The following GPC6 variants were observed in gnomAD, a reference collection of about 807,000 sequenced individuals.
The protein encoded by GPC6 is glypican-6.
In GPC6, 14 loss-of-function variants were observed where a neutral mutation model predicts 55.2. The ratio of observed to expected loss-of-function variants is 0.25; its 90% confidence interval spans 0.17 to 0.40. The LOEUF (loss-of-function observed/expected upper bound fraction) is 0.40. Among genes scored for constraint, GPC6 ranks in the 10% least tolerant of loss-of-function variants. The pLI is 1.00. For synonymous variants in GPC6, 278 were observed against 259.6 expected (o/e 1.07, Z -0.68); for missense variants, 641 against 708.5 (o/e 0.90, Z 1.08).
intron 3 of GPC6, among the ~76,000 whole-genome samples, chr13:93,884,852 A>T (rs574678409): frequency 6.6e-6 from 1 of 152,124 alleles, no homozygotes; most frequent in East Asian, 1.9e-4. Flanking sequence ...TAAAAGAAAG[A>T]TGTGAAACGT....
At chr13:93,550,773 G>C (rs182980178) in intron 2 of GPC6, among the ~76,000 whole-genome samples, 2 of 151,990 alleles carry the variant, frequency 1.3e-5, no homozygotes, top group Non-Finnish European at 2.9e-5. Context: ...CACATTTCTT[G>C]TCACAAGGGT....
intron 4 of GPC6, among the ~76,000 whole-genome samples, chr13:94,058,121 G>C (rs1884192253): frequency 6.6e-6 from 1 of 152,158 alleles, no homozygotes; most frequent in Non-Finnish European, 1.5e-5. Flanking sequence ...CTTTACGGAA[G>C]TAAGATCATA....
intron 1 of GPC6, among the ~76,000 whole-genome samples, chr13:93,535,684 G>GAA (rs200687324): frequency 0.017 from 2,056 of 120,728 alleles, 21 homozygotes; most frequent in Non-Finnish European, 0.025. Flanking sequence ...ACTTTTTTAG[G>GAA]AAAAAAAAAA....
intron 2 of GPC6, among the ~76,000 whole-genome samples, chr13:93,817,733 C>T (rs567988991): frequency 1.3e-5 from 2 of 151,836 alleles, no homozygotes; most frequent in African/African-American, 4.8e-5. Context: ...GTGGCGTGCA[C>T]CTGTAGTCCC....
chr13:93,256,656 T>A (rs1876963227), intron 1 of GPC6, among the ~76,000 whole-genome samples: 1 of 152,152 alleles, frequency 6.6e-6, no homozygotes, highest in South Asian at 2.1e-4. Context: ...TCTATGTAGA[T>A]GTTGACTAAG....
At chr13:94,096,944 C>T (rs1885680101) in intron 4 of GPC6, among the ~76,000 whole-genome samples, 1 of 152,044 alleles carries the variant, frequency 6.6e-6, no homozygotes, top group South Asian at 2.1e-4. Context: ...ACATGTAAAG[C>T]CATCAACTCA....
chr13:94,361,468 T>C (rs1879056973), intron 6 of GPC6, among the ~76,000 whole-genome samples: 1 of 152,246 alleles, frequency 6.6e-6, no homozygotes, highest in African/African-American at 2.4e-5. Flanking sequence ...TTTATAAACT[T>C]TGTCTTCCAG....
intron 2 of GPC6, among the ~76,000 whole-genome samples, chr13:93,620,960 A>G (rs1878927425): frequency 6.6e-6 from 1 of 152,110 alleles, no homozygotes; most frequent in East Asian, 1.9e-4. Flanking sequence ...TCCCCCCAGT[A>G]TAATCAATGA....
chr13:93,228,118 T>G (rs1017809460), intron 1 of GPC6, among the ~76,000 whole-genome samples: 8 of 151,940 alleles, frequency 5.3e-5, no homozygotes, highest in African/African-American at 1.9e-4. Flanking sequence ...AGCCCCTCTC[T>G]CCCCTATCCG....
intron 3 of GPC6, among the ~76,000 whole-genome samples, chr13:93,871,531 G>A (rs936571432): frequency 1.7e-4 from 26 of 151,872 alleles, no homozygotes; most frequent in African/African-American, 5.8e-4. Flanking sequence ...ACTAAACGTC[G>A]CACTGGGATT....
rs906565869 is a variant in GPC6, at chr13:93,269,213, T to C, written c.160+41597T>C. ...GAGTGATTATGTACTCGATGAAAAG[T>C]TTGGAGGCATGTCACAAGTTTGGAA... On this transcript the variant is annotated intron_variant, in intron 1 of 8. Coordinates refer to ENST00000377047, the MANE Select transcript of GPC6 (RefSeq NM_005708.5). Among the ~76,000 whole-genome samples the C allele has an allele frequency of 2.0e-5, 3 of 152,104 alleles. No homozygotes were observed. In the South Asian group the frequency reaches 6.2e-4, roughly 32 times the overall value.
At chr13:94,226,513 A>C (rs1045446046) in intron 4 of GPC6, among the ~76,000 whole-genome samples, 5 of 152,196 alleles carry the variant, frequency 3.3e-5, no homozygotes, top group Non-Finnish European at 5.9e-5. Context: ...CCATGTGTAC[A>C]TGTATTAAAA....
At chr13:93,918,032 G>A (rs1315035693) in intron 3 of GPC6, among the ~76,000 whole-genome samples, 1 of 151,960 alleles carries the variant, frequency 6.6e-6, no homozygotes, top group Non-Finnish European at 1.5e-5. Flanking sequence ...GGGAGGCAGA[G>A]GTTGCGGTGA....
At chr13:93,579,061 A>T (rs9561403) in intron 2 of GPC6, among the ~76,000 whole-genome samples, 19,000 of 152,100 alleles carry the variant, frequency 0.12, 1,640 homozygotes, top group East Asian at 0.44. Flanking sequence ...TTTCGTGAAG[A>T]TAGAGAGTAG....
intron 1 of GPC6, among the ~76,000 whole-genome samples, chr13:93,401,861 G>T (rs1312780890): frequency 6.6e-6 from 1 of 151,552 alleles, no homozygotes. Flanking sequence ...GATAGAGTAG[G>T]TTTTTTCCTT....
intron 2 of GPC6, among the ~76,000 whole-genome samples, chr13:93,627,719 T>A (rs1879261751): frequency 6.6e-6 from 1 of 152,176 alleles, no homozygotes; most frequent in Admixed American, 6.5e-5. Context: ...CTGATAAAAA[T>A]TTTTACAGTG....
chr13:93,613,398 A>G (rs2139543777), intron 2 of GPC6, among the ~76,000 whole-genome samples: 1 of 152,320 alleles, frequency 6.6e-6, no homozygotes, highest in African/African-American at 2.4e-5. Context: ...GAGAGTCAAC[A>G]AAGTCTGAAT....
chr13:93,966,157 A>G (rs763763668), intron 3 of GPC6, among the ~76,000 whole-genome samples: 1 of 152,132 alleles, frequency 6.6e-6, no homozygotes, highest in Non-Finnish European at 1.5e-5. Flanking sequence ...TGTATGATCC[A>G]CCTTAATGTC....
At chr13:93,290,932 T>C (rs1186241106) in intron 1 of GPC6, among the ~76,000 whole-genome samples, 1 of 152,152 alleles carries the variant, frequency 6.6e-6, no homozygotes, top group Non-Finnish European at 1.5e-5. Flanking sequence ...TAGAGCCTGG[T>C]TAATGTCTCA....
Sources: gnomAD v4.1 joint callset for allele counts (sites outside exome capture counted in the v4.1 genomes callset) on GRCh38, gnomAD v4.1.1 for gene constraint, MANE v1.5 for transcripts, NCBI Gene and HGNC (gene_info 2026-07-23, HGNC 2026-07-21) for gene names.